The following SUCLG2 variants were observed in gnomAD, a reference collection of about 807,000 sequenced individuals.
SUCLG2 encodes the protein succinate-CoA ligase GDP-forming subunit beta, also known as succinate--CoA ligase [GDP-forming] subunit beta, mitochondrial.
In SUCLG2, 42 loss-of-function variants were observed where a neutral mutation model predicts 47.9. The ratio of observed to expected loss-of-function variants is 0.88; its 90% CI spans 0.69 to 1.14. SUCLG2 has a LOEUF of 1.14. Among genes scored for constraint, SUCLG2 ranks in the 50% most tolerant of loss-of-function variants. The probability of loss-of-function intolerance (pLI) is 0.00; values close to 1 mark genes in which losing one functional copy is unlikely to be tolerated. For synonymous variants in SUCLG2, 195 were observed against 197.3 expected (o/e 0.99, Z 0.10); for missense variants, 571 against 525.9 (o/e 1.09, Z -0.84).
At chr3:67,645,156 T>C (rs1262633448) in intron 1 of SUCLG2, among the ~76,000 whole-genome samples, 2 of 152,152 alleles carry the variant, frequency 1.3e-5, no homozygotes, top group Non-Finnish European at 2.9e-5. Context: ...AAATTTAGTA[T>C]TTTTCTCTCA....
chr3:67,369,263 A>C (rs1575652155), intron 10 of SUCLG2, among the ~76,000 whole-genome samples: 1 of 152,158 alleles, frequency 6.6e-6, no homozygotes, highest in African/African-American at 2.4e-5. Flanking sequence ...GTTTTTCTTC[A>C]GTTATATGTT....
At chr3:67,491,040 G>A (rs1705188028) in intron 9 of SUCLG2, among the ~76,000 whole-genome samples, 1 of 151,948 alleles carries the variant, frequency 6.6e-6, no homozygotes, top group South Asian at 2.1e-4. Context: ...TACCTTTGAG[G>A]GCCGAACACA....
rs1706330981 is a variant in SUCLG2, at chr3:67,529,008, C to T, written c.326+79G>A. The T allele has an allele frequency of 4.7e-6, 6 of 1,268,268 alleles. No individual in the cohort carries two copies. In the South Asian group the frequency reaches 8.3e-5, roughly 18 times the overall value. 78.6% of individuals were successfully genotyped at this position (1,268,268 alleles called of 1,614,324 possible). On this transcript the variant is annotated intron_variant, in intron 3 of 10. Coordinates refer to ENST00000307227, the MANE Select transcript of SUCLG2 (RefSeq NM_003848.4). Reference sequence around the variant, plus strand: ...GCTCCTACCCCACCACAACCAACCTCAGTGTGCCTTTCAATCTTGAGCAAG... The same window carrying T: ...GCTCCTACCCCACCACAACCAACCTTAGTGTGCCTTTCAATCTTGAGCAAG...
intron 2 of SUCLG2, among the ~76,000 whole-genome samples, chr3:67,535,542 G>A (rs531062772): frequency 6.6e-6 from 1 of 152,030 alleles, no homozygotes; most frequent in African/African-American, 2.4e-5. Flanking sequence ...CACGGGAGAC[G>A]ATCCCTTATG....
intron 9 of SUCLG2, 141 bp downstream of exon 9, chr3:67,495,657 A>AG: frequency 3.7e-6 from 4 of 1,078,540 alleles, no homozygotes; most frequent in Non-Finnish European, 5.2e-6. Flanking sequence ...GTCTCAAAAA[A>AG]AAAAAAAAAA....
At chr3:67,577,300 T>A (rs1038857798) in intron 2 of SUCLG2, among the ~76,000 whole-genome samples, 1 of 74,504 alleles carries the variant, frequency 1.3e-5, no homozygotes, top group Non-Finnish European at 2.8e-5. Flanking sequence ...AGAGACAGAC[T>A]GTCTCAAAAA....
intron 9 of SUCLG2, chr3:67,408,973 A>G (rs1702875748): frequency 1.3e-6 from 2 of 1,535,270 alleles, no homozygotes; most frequent in Non-Finnish European, 1.7e-6. Context: ...CCAAGCTTCA[A>G]GAACGTGCTT....
chr3:67,567,309 T>G (rs1459166870), intron 2 of SUCLG2, among the ~76,000 whole-genome samples: 1 of 152,096 alleles, frequency 6.6e-6, no homozygotes, highest in Admixed American at 6.5e-5. Flanking sequence ...TTTTTTTTTT[T>G]TTAAGTGACA....
chr3:67,434,618 C>G (rs1222360086), intron 9 of SUCLG2, among the ~76,000 whole-genome samples: 1 of 152,122 alleles, frequency 6.6e-6, no homozygotes, highest in Non-Finnish European at 1.5e-5. Flanking sequence ...AATTATTTCT[C>G]AACACTTAGG....
chr3:67,630,996 C>T (rs1419355709), intron 1 of SUCLG2, among the ~76,000 whole-genome samples: 2 of 152,120 alleles, frequency 1.3e-5, no homozygotes, highest in Non-Finnish European at 2.9e-5. Flanking sequence ...GTTTGCAGAC[C>T]AATGTCCTAT....
At chr3:67,433,855 A>G (rs939362610) in intron 9 of SUCLG2, among the ~76,000 whole-genome samples, 5 of 152,170 alleles carry the variant, frequency 3.3e-5, no homozygotes, top group African/African-American at 1.2e-4. Flanking sequence ...CTAGCTCTAC[A>G]AAAACATCTA....
At chr3:67,519,860 A>G (rs1022409602) in intron 5 of SUCLG2, among the ~76,000 whole-genome samples, 1 of 152,172 alleles carries the variant, frequency 6.6e-6, no homozygotes, top group Non-Finnish European at 1.5e-5. Flanking sequence ...AAATCACCCC[A>G]TGTTCATTTT....
At chr3:67,478,393 G>A (rs1296754639) in intron 9 of SUCLG2, among the ~76,000 whole-genome samples, 1 of 152,228 alleles carries the variant, frequency 6.6e-6, no homozygotes, top group Non-Finnish European at 1.5e-5. Context: ...AACTGGCTGA[G>A]AAGGAACTGA....
At chr3:67,428,826 TG>T (rs1210868706) in intron 9 of SUCLG2, among the ~76,000 whole-genome samples, 2 of 152,178 alleles carry the variant, frequency 1.3e-5, no homozygotes, top group Non-Finnish European at 2.9e-5. Flanking sequence ...GTAGCCGATT[TG>T]ATCAAGTGGA....
chr3:67,488,894 G>A (rs1037563126), intron 9 of SUCLG2, among the ~76,000 whole-genome samples: 2 of 152,126 alleles, frequency 1.3e-5, no homozygotes, highest in East Asian at 1.9e-4. Context: ...AGCTTGCTGG[G>A]ACTAACGACA....
At chr3:67,405,334 T>C (rs1269073710) in intron 9 of SUCLG2, among the ~76,000 whole-genome samples, 1 of 152,188 alleles carries the variant, frequency 6.6e-6, no homozygotes, top group African/African-American at 2.4e-5. Flanking sequence ...AACTAAACTT[T>C]GAAAAAAGAA....
intron 9 of SUCLG2, among the ~76,000 whole-genome samples, chr3:67,437,488 C>A (rs1575694809): frequency 6.6e-6 from 1 of 152,144 alleles, no homozygotes; most frequent in African/African-American, 2.4e-5. Context: ...CAGGATACAT[C>A]CCACTTGGTA....
intron 1 of SUCLG2, among the ~76,000 whole-genome samples, chr3:67,610,362 T>G (rs1207447179): frequency 6.6e-6 from 1 of 152,066 alleles, no homozygotes; most frequent in East Asian, 1.9e-4. Flanking sequence ...GTAGAAGTGG[T>G]TTTCCAATAT....
At chr3:67,527,828 C>A (rs556759670) in intron 4 of SUCLG2, among the ~76,000 whole-genome samples, 1 of 152,332 alleles carries the variant, frequency 6.6e-6, no homozygotes, top group East Asian at 1.9e-4. Flanking sequence ...GCTGTCACAG[C>A]AAGCGCTTCT....
Sources: allele counts gnomAD v4.1 joint callset (sites outside exome capture counted in the v4.1 genomes callset), GRCh38; gene constraint gnomAD v4.1.1; transcripts MANE v1.5; gene names NCBI Gene and HGNC (gene_info 2026-07-23, HGNC 2026-07-21).